Variants in ZIC4 observed in about 807,000 individuals in gnomAD.
ZIC4 encodes the protein zinc finger protein ZIC 4.
ZIC4 carries 15 observed loss-of-function variants against 28.8 expected under a neutral mutation model. The observed-to-expected ratio is 0.52, with a 90% CI of 0.35 to 0.80. ZIC4 has a LOEUF of 0.80. Ranked by LOEUF, ZIC4 falls within the 30% of genes least tolerant of loss-of-function variation. ZIC4 has a pLI of 0.01. For synonymous variants in ZIC4, 220 were observed against 198.1 expected, an observed-to-expected ratio of 1.11 and a Z score of -0.93; for missense variants, 512 against 467.1, an observed-to-expected ratio of 1.10 and a Z score of -0.89.
intron 4 of ZIC4, chr3:147,389,087 A>G (rs2086853641): frequency 3.4e-6 from 2 of 581,776 alleles, no homozygotes; most frequent in Non-Finnish European, 6.1e-6. Context: ...CACTATGGGA[A>G]GGAGTTGTTT....
intron 1 of ZIC4, chr3:147,405,401 AC>A (rs1266291131): frequency 6.5e-7 from 1 of 1,537,068 alleles, no homozygotes; most frequent in East Asian, 2.4e-5. Flanking sequence ...TTTCCTGAAG[AC>A]GGTGACGGCC....
At chr3:147,404,887 C>T (rs2087243436) in intron 1 of ZIC4, among the ~76,000 whole-genome samples, 1 of 152,228 alleles carries the variant, frequency 6.6e-6, no homozygotes, top group African/African-American at 2.4e-5. Context: ...CGAGCTGCTC[C>T]TTACTGACTA....
chr3:147,399,330 T>C (rs753928539), intron 2 of ZIC4, among the ~76,000 whole-genome samples: 4 of 152,160 alleles, frequency 2.6e-5, no homozygotes, highest in Non-Finnish European at 5.9e-5. Flanking sequence ...TTTACACATC[T>C]CAATGAGTCA....
In ZIC4 at chr3:147,388,765, T is replaced by C. The variant is rs1194494550; in HGVS notation, c.*94A>G. 1 of 741,408 alleles carries C rather than the reference T, an allele frequency of 1.3e-6. No homozygotes were observed. The highest frequency in any genetic ancestry group is 2.5e-6 in the Non-Finnish European group (1 of 402,768). 45.9% of individuals were successfully genotyped at this position (741,408 alleles called of 1,614,324 possible). ...AAGATGCACCGTGGCGAAGAAACAC[T>C]GCTTTGTGCGCGGGCCCTTTGATGT... is the stretch of plus-strand genomic sequence containing the variant. On this transcript the variant is annotated 3_prime_UTR_variant, in exon 5 of 5. Coordinates refer to ENST00000383075, the MANE Select transcript of ZIC4 (RefSeq NM_032153.6).
Position 147,396,707 on chromosome 3 carries a change from G to C in ZIC4, c.71-238C>G. 1 of 483,666 alleles carries C rather than the reference G, an allele frequency of 2.1e-6. No individual in the cohort carries two copies. 30.0% of individuals were successfully genotyped at this position (483,666 alleles called of 1,614,324 possible). On this transcript the variant is annotated intron_variant, in intron 2 of 4. Coordinates refer to ENST00000383075, the MANE Select transcript of ZIC4 (RefSeq NM_032153.6). This position sits in a 1 kb window ranked among gnomAD's most constrained non-coding sequence, Gnocchi z 4.2. Reference sequence around the variant, plus strand: ...CCCCCGCCGCGCCATGAGCTAGAGAGGGATGGTAGCGGCAGAGTAGATGTA... The same window carrying C: ...CCCCCGCCGCGCCATGAGCTAGAGACGGATGGTAGCGGCAGAGTAGATGTA...
chr3:147,398,547 TTGTC>T (rs1484124602), intron 2 of ZIC4, among the ~76,000 whole-genome samples: 7 of 152,198 alleles, frequency 4.6e-5, no homozygotes, highest in Admixed American at 3.9e-4. Context: ...CGGTAGTCCT[TTGTC>T]TGAGCCGACC....
Position 147,396,188 on chromosome 3 carries a change from G to A in ZIC4, c.352C>T (p.Arg118Cys), listed in dbSNP as rs2087038268. Reference sequence around the variant, plus strand: ...TGTTTGATGGGCTGGCGCATGTAGCGGAAGAAAGCGCCAGGACCGTGGGGC... The same window carrying A: ...TGTTTGATGGGCTGGCGCATGTAGCAGAAGAAAGCGCCAGGACCGTGGGGC... ...AAPHGPGAFF[R>C]YMRQPIKQEL... Residue 118 changes from arginine (R) to cysteine (C), a missense_variant, in exon 3 of 5, where the codon CGC becomes TGC. By Grantham distance (180) the Arg-to-Cys change is radical (BLOSUM62 -3). Coordinates refer to ENST00000383075, the MANE Select transcript of ZIC4 (RefSeq NM_032153.6). The surrounding 1 kb of genome is among the most constrained non-coding windows in gnomAD (Gnocchi z 4.2). The A allele has an allele frequency of 6.2e-7, 1 of 1,614,108 alleles. No individual in the cohort carries two copies.
In ZIC4 at chr3:147,387,945, T is replaced by C. The variant is rs2086824376; in HGVS notation, c.*914A>G. On this transcript the variant is annotated 3_prime_UTR_variant, in exon 5 of 5. Transcript: ENST00000383075. ...AAACTGAGCTTGGAATGCTCATTTG[T>C]TAAGCTTCGGAGGCTGCTTTAAAAT... 2.0e-5 allele frequency: 3 copies of C among 152,436 alleles called. 1 individual carries two copies. The South Asian group carries it at 6.2e-4, about 32-fold the overall frequency. The allele number at this position is 152,436 out of a possible 1,614,324, so 9.4% of individuals were successfully genotyped here.
intron 4 of ZIC4, 101 bp from the exon 5 acceptor site, chr3:147,388,960 T>A: frequency 1.4e-6 from 1 of 727,680 alleles, no homozygotes; most frequent in Non-Finnish European, 2.5e-6. Context: ...AATGGGGAGC[T>A]TAGAAACAGA....
rs542906261 is a variant in ZIC4, at chr3:147,394,268, A to AC, written c.688+1583dup. On this transcript the variant is annotated intron_variant, in intron 3 of 4. Coordinates refer to ENST00000383075, the MANE Select transcript of ZIC4 (RefSeq NM_032153.6). Reference sequence around the variant, plus strand: ...TTTGTTTTTGTTTGTTGTTTCCCCCACCCCCCACCGCTAATGAATCAGGAC... The same window carrying AC: ...TTTGTTTTTGTTTGTTGTTTCCCCCACCCCCCCACCGCTAATGAATCAGGAC... Among the ~76,000 whole-genome samples, 24 of 89,500 alleles carry AC rather than the reference A, an allele frequency of 2.7e-4. No individual in the cohort carries two copies. In the South Asian group the frequency reaches 8.1e-3, roughly 30 times the overall value. The allele number at this position is 89,500 out of a possible 152,430, so 58.7% of individuals were successfully genotyped here.
Position 147,396,629 on chromosome 3 carries a change from A to G in ZIC4, c.71-160T>C. 1.1e-6 allele frequency: 1 copy of G among 928,406 alleles called. No homozygotes were observed. The highest frequency in any genetic ancestry group is 1.5e-6 in the Non-Finnish European group (1 of 669,850). 57.5% of individuals were successfully genotyped at this position (928,406 alleles called of 1,614,324 possible). A position where few individuals can be genotyped will look rare whatever the true frequency, so the allele number is the denominator to read the frequency against. ...CGCCAGCAGTGAACCCGGTGGACAGAGCAAGGCCAAACACCTCCGCCGCCA... is the reference window on the plus strand; with the variant it reads ...CGCCAGCAGTGAACCCGGTGGACAGGGCAAGGCCAAACACCTCCGCCGCCA... On this transcript the variant is annotated intron_variant, in intron 2 of 4. Coordinates refer to ENST00000383075, the MANE Select transcript of ZIC4 (RefSeq NM_032153.6). This position sits in a 1 kb window ranked among gnomAD's most constrained non-coding sequence, Gnocchi z 4.2.
At chr3:147,394,484 A>AAACC (rs1353731713) in intron 3 of ZIC4, among the ~76,000 whole-genome samples, 50 of 151,864 alleles carry the variant, frequency 3.3e-4, no homozygotes, top group Non-Finnish European at 8.8e-5. Flanking sequence ...AAAAAAAAAA[A>AAACC]AAACCCTGTC....
At chr3:147,403,295 C>A (rs2087206829) in intron 1 of ZIC4, among the ~76,000 whole-genome samples, 1 of 152,152 alleles carries the variant, frequency 6.6e-6, no homozygotes, top group African/African-American at 2.4e-5. Flanking sequence ...AATTTCTTTG[C>A]AGGTTTTCAA....
At chr3:147,390,681 T>C (rs1012560160) in intron 4 of ZIC4, among the ~76,000 whole-genome samples, 55 of 152,144 alleles carry the variant, frequency 3.6e-4, no homozygotes, top group African/African-American at 1.2e-3. Flanking sequence ...TAATGGACAT[T>C]ATATTAGCGT....
chr3:147,399,663 ATTTTT>A (rs34229132), intron 2 of ZIC4, among the ~76,000 whole-genome samples: 3 of 128,026 alleles, frequency 2.3e-5, no homozygotes, highest in Non-Finnish European at 3.3e-5. Context: ...AAAAACACGG[ATTTTT>A]TTTTTTTTTT....
chr3:147,394,666 C>T (rs1444597625), intron 3 of ZIC4, among the ~76,000 whole-genome samples: 3 of 152,002 alleles, frequency 2.0e-5, no homozygotes, highest in African/African-American at 7.2e-5. Flanking sequence ...TTGTGGGAAA[C>T]CCTGAAAAGA....
chr3:147,399,851 A>T (rs539359455), intron 2 of ZIC4, among the ~76,000 whole-genome samples: 7 of 152,148 alleles, frequency 4.6e-5, no homozygotes, highest in African/African-American at 1.4e-4. Flanking sequence ...TTTTTAGTAA[A>T]GACGGAGTTT....
intron 1 of ZIC4, among the ~76,000 whole-genome samples, chr3:147,404,586 A>G (rs903731031): frequency 6.6e-6 from 1 of 152,162 alleles, no homozygotes; most frequent in Admixed American, 6.5e-5. Context: ...GTTTTCCCCA[A>G]ATGCTTGCTC....
intron 3 of ZIC4, among the ~76,000 whole-genome samples, chr3:147,394,777 T>A (rs937907312): frequency 4.6e-5 from 7 of 152,212 alleles, no homozygotes; most frequent in Admixed American, 4.6e-4. Context: ...GTCCGGGCCA[T>A]GGACCTTCCC....
Sources: allele counts gnomAD v4.1 joint callset (sites outside exome capture counted in the v4.1 genomes callset), GRCh38; gene constraint gnomAD v4.1.1; non-coding constraint Gnocchi (gnomAD v3.1); transcripts MANE v1.5; gene names NCBI Gene and HGNC (gene_info 2026-07-23, HGNC 2026-07-21).